Variants in IFNGR2 observed in about 807,000 individuals in gnomAD.
The protein encoded by IFNGR2 is interferon gamma receptor 2.
A neutral mutation model predicts 41.1 loss-of-function variants in IFNGR2; 15 were observed. The observed-to-expected ratio is 0.37, with a 90% CI of 0.24 to 0.56. The LOEUF is 0.56. IFNGR2 is among the 20% of genes least tolerant of loss of function. The pLI, the probability that IFNGR2 is intolerant of heterozygous loss-of-function variation, is 0.81. For missense variants in IFNGR2, 362 were observed against 415.7 expected, an observed-to-expected ratio of 0.87 and a Z score of 1.12; for synonymous variants, 161 against 171.6, an observed-to-expected ratio of 0.94 and a Z score of 0.48.
chr21:33,406,971 G>A (rs1000959290), intron 1 of IFNGR2, among the ~76,000 whole-genome samples: 3 of 151,918 alleles, frequency 2.0e-5, no homozygotes, highest in Non-Finnish European at 2.9e-5. Context: ...TTTTTAAAGG[G>A]AGACATAGTA....
At chr21:33,431,103 G>C (rs2083882257) in intron 4 of IFNGR2, among the ~76,000 whole-genome samples, 1 of 152,184 alleles carries the variant, frequency 6.6e-6, no homozygotes, top group South Asian at 2.1e-4. Flanking sequence ...CTAGAGTCTA[G>C]GGTCCAGTTG....
At chr21:33,425,252 G>T (rs1022690006) in intron 3 of IFNGR2, among the ~76,000 whole-genome samples, 6 of 152,144 alleles carry the variant, frequency 3.9e-5, no homozygotes, top group Non-Finnish European at 7.3e-5. Context: ...GACACTGATC[G>T]TGAGAGGCTT....
At chr21:33,417,668 G>C (rs903102101) in intron 2 of IFNGR2, among the ~76,000 whole-genome samples, 1 of 152,176 alleles carries the variant, frequency 6.6e-6, no homozygotes, top group African/African-American at 2.4e-5. Context: ...GTGCCTTTCT[G>C]AGAACGGGCT....
At chr21:33,414,800 C>A (rs2083742236) in intron 1 of IFNGR2, 88 bp from the exon 2 acceptor site, 8 of 1,423,956 alleles carry the variant, frequency 5.6e-6, no homozygotes, top group Non-Finnish European at 6.7e-6. Context: ...GTATGAATGA[C>A]TTAGATAATG....
chr21:33,431,187 T>G (rs2083883102), intron 4 of IFNGR2, among the ~76,000 whole-genome samples: 1 of 152,218 alleles, frequency 6.6e-6, no homozygotes, highest in Admixed American at 6.5e-5. Flanking sequence ...TCGGTCAAAC[T>G]AGAAGCAGGT....
chr21:33,410,165 A>AT (rs2083705854), intron 1 of IFNGR2, among the ~76,000 whole-genome samples: 1 of 138,998 alleles, frequency 7.2e-6, no homozygotes, highest in African/African-American at 2.8e-5. Context: ...TAATTACAAT[A>AT]ATTTTTTTTT....
At chr21:33,414,553 C>T (rs539364165) in intron 1 of IFNGR2, among the ~76,000 whole-genome samples, 6 of 152,284 alleles carry the variant, frequency 3.9e-5, no homozygotes, top group East Asian at 3.9e-4. Context: ...TGACCTGCCC[C>T]GAGCCTAATG....
chr21:33,408,426 C>T (rs1344008517), intron 1 of IFNGR2, among the ~76,000 whole-genome samples: 1 of 152,102 alleles, frequency 6.6e-6, no homozygotes, highest in Non-Finnish European at 1.5e-5. Context: ...GAACTCCTGA[C>T]CTTAAGTGAT....
intron 1 of IFNGR2, among the ~76,000 whole-genome samples, chr21:33,408,765 G>A (rs1187591147): frequency 2.0e-5 from 3 of 152,164 alleles, no homozygotes; most frequent in Non-Finnish European, 2.9e-5. Flanking sequence ...TTTCAAAAGT[G>A]CTAGAATAGA....
At position 33,403,517 on chromosome 21, in the gene IFNGR2, C is replaced by A. The variant is rs2083655683; in HGVS notation, c.-27C>A. Reference sequence around the variant, plus strand: ...CCCCGAGCGGGGCCCCGGCCGCGACCTGAGCCGCCGCCGAGCGCCCGGGGC... The same window carrying A: ...CCCCGAGCGGGGCCCCGGCCGCGACATGAGCCGCCGCCGAGCGCCCGGGGC... On this transcript the variant is annotated 5_prime_UTR_variant, in exon 1 of 7. In the 5' UTR this introduces an upstream ATG that the reference lacks. Transcript: ENST00000290219. 8.1e-7 allele frequency: 1 copy of A among 1,235,468 alleles called. No individual in the cohort carries two copies. The highest frequency in any genetic ancestry group is 1.0e-6 in the Non-Finnish European group (1 of 981,890). The allele number at this position is 1,235,468 out of a possible 1,614,324, so 76.5% of individuals were successfully genotyped here.
In IFNGR2 at chr21:33,432,280, A is replaced by T. The variant is rs201843430; in HGVS notation, c.665A>T (p.Asn222Ile). 1.0e-4 allele frequency: 163 copies of T among 1,614,144 alleles called. 2 individuals are homozygous for T. Among genetic ancestry groups the T allele is most frequent in the South Asian group, 7.5e-4 (68 of 91,082 alleles). ...GCACAACTGCTTTGGAACAAAAGTA[A>T]CATCTTTAGAGTCGGGCATTTAAGC... is the stretch of plus-strand genomic sequence containing the variant. ...VQAQLLWNKS[N>I]IFRVGHLSNI... The change falls in exon 5 of 7, where the codon AAC (asparagine) becomes ATC (isoleucine). Residue 222 changes from asparagine (N) to isoleucine (I), a missense_variant. Coordinates refer to ENST00000290219, the MANE Select transcript of IFNGR2 (RefSeq NM_005534.4).
intron 2 of IFNGR2, among the ~76,000 whole-genome samples, chr21:33,418,098 CT>C (rs1472989129): frequency 1.3e-5 from 2 of 152,128 alleles, no homozygotes; most frequent in Non-Finnish European, 2.9e-5. Flanking sequence ...TCTCAGCTGA[CT>C]GCAACTTTCG....
intron 4 of IFNGR2, among the ~76,000 whole-genome samples, chr21:33,428,726 G>T (rs1197523280): frequency 1.3e-5 from 2 of 152,212 alleles, no homozygotes; most frequent in Admixed American, 1.3e-4. Flanking sequence ...AACTGGATAC[G>T]GTGCCGGAAA....
At position 33,432,888 on chromosome 21, in the gene IFNGR2, C is replaced by A. The variant is rs1386597042; in HGVS notation, c.879+17C>A. On this transcript the variant is annotated intron_variant, in intron 6 of 6. Coordinates refer to ENST00000290219, the MANE Select transcript of IFNGR2 (RefSeq NM_005534.4). Reference sequence around the variant, plus strand: ...ATAGAAGAGGTACGTGTGCACACATCTCTTTTTTTTTTTTTGAGACAGGGT... The same window carrying A: ...ATAGAAGAGGTACGTGTGCACACATATCTTTTTTTTTTTTTGAGACAGGGT... The A allele has an allele frequency of 9.7e-6, 13 of 1,341,426 alleles. No homozygotes were observed. The highest frequency in any genetic ancestry group is 1.5e-5 in the African/African-American group (1 of 67,534). 83.1% of individuals were successfully genotyped at this position (1,341,426 alleles called of 1,614,324 possible). A position where few individuals can be genotyped will look rare whatever the true frequency, so the allele number is the denominator to read the frequency against.
chr21:33,432,112 C>A, intron 4 of IFNGR2, 65 bp from the exon 5 acceptor site: 1 of 1,426,940 alleles, frequency 7.0e-7, no homozygotes, highest in Non-Finnish European at 9.9e-7. Context: ...GAGGAAACAT[C>A]AGAAAAGATG....
chr21:33,431,854 G>C (rs891747088), intron 4 of IFNGR2, among the ~76,000 whole-genome samples: 2 of 152,198 alleles, frequency 1.3e-5, no homozygotes, highest in Non-Finnish European at 2.9e-5. Flanking sequence ...TTATAGGCGT[G>C]AGCCACCCCA....
At chr21:33,404,588 C>G (rs957124017) in intron 1 of IFNGR2, among the ~76,000 whole-genome samples, 15 of 152,084 alleles carry the variant, frequency 9.9e-5, no homozygotes, top group Admixed American at 6.6e-4. Context: ...TTGGCCACGC[C>G]TGGCCAATTT....
intron 1 of IFNGR2, among the ~76,000 whole-genome samples, chr21:33,412,065 A>G (rs976879618): frequency 6.6e-6 from 1 of 152,158 alleles, no homozygotes; most frequent in Non-Finnish European, 1.5e-5. Context: ...CTGGGACTAC[A>G]GGTGCGCACC....
intron 1 of IFNGR2, among the ~76,000 whole-genome samples, chr21:33,404,076 G>T (rs1299311576): frequency 6.6e-6 from 1 of 152,252 alleles, no homozygotes; most frequent in Non-Finnish European, 1.5e-5. Context: ...CGAATTTCTC[G>T]GAATGAACAA....
Sources: allele counts gnomAD v4.1 joint callset (sites outside exome capture counted in the v4.1 genomes callset), GRCh38; gene constraint gnomAD v4.1.1; transcripts MANE v1.5; gene names NCBI Gene and HGNC (gene_info 2026-07-23, HGNC 2026-07-21).